TGFBR2: variants seen among roughly 807,000 people sequenced by gnomAD.
TGFBR2 encodes the protein TGF-beta receptor type-2.
Under a neutral mutation model 49.0 loss-of-function variants are expected in TGFBR2, and 18 were observed. The observed-to-expected ratio is 0.37, with a 90% confidence interval of 0.25 to 0.54. The LOEUF (loss-of-function observed/expected upper bound fraction) is 0.54, where lower values mean the gene tolerates loss of function less well. Ranked by LOEUF, TGFBR2 falls within the 20% of genes least tolerant of loss-of-function variation. The probability of loss-of-function intolerance (pLI) is 0.85; values close to 1 mark genes in which losing one functional copy is unlikely to be tolerated. For missense variants in TGFBR2, 525 were observed against 722.6 expected (o/e 0.73, Z 3.13); for synonymous variants, 282 against 275.9 (o/e 1.02, Z -0.22).
intron 1 of TGFBR2, among the ~76,000 whole-genome samples, chr3:30,614,640 G>A (rs1019697007): frequency 6.6e-6 from 1 of 152,120 alleles, no homozygotes; most frequent in Admixed American, 6.5e-5. Context: ...CACTTATTGA[G>A]GTCTTGCTAC....
chr3:30,626,706 C>T (rs887808615), intron 1 of TGFBR2: 1 of 152,582 alleles, frequency 6.6e-6, no homozygotes, highest in Non-Finnish European at 1.5e-5. Flanking sequence ...CTTTCAGACA[C>T]CATTCTTGGA....
intron 1 of TGFBR2, chr3:30,623,216 C>A: frequency 6.3e-7 from 1 of 1,589,600 alleles, no homozygotes; most frequent in Non-Finnish European, 8.6e-7. Flanking sequence ...AATGGAGGCC[C>A]AGAAAGATGA....
intron 5 of TGFBR2, among the ~76,000 whole-genome samples, chr3:30,680,234 G>A (rs1242206852): frequency 6.6e-6 from 1 of 150,896 alleles, no homozygotes; most frequent in Non-Finnish European, 1.5e-5. Flanking sequence ...TCCAGCAGAA[G>A]CTGAGGAGAC....
intron 1 of TGFBR2, among the ~76,000 whole-genome samples, chr3:30,631,696 A>C (rs1575137876): frequency 8.3e-6 from 1 of 119,922 alleles, no homozygotes; most frequent in Non-Finnish European, 1.7e-5. Context: ...GTTTGGTGTT[A>C]TCTTAGAAAC....
chr3:30,686,925 T>C (rs997234203), intron 5 of TGFBR2, among the ~76,000 whole-genome samples: 1 of 152,218 alleles, frequency 6.6e-6, no homozygotes, highest in Non-Finnish European at 1.5e-5. Context: ...CATTCATTCA[T>C]TCACTCACTC....
intron 1 of TGFBR2, among the ~76,000 whole-genome samples, chr3:30,611,201 A>G (rs1317082861): frequency 6.6e-6 from 1 of 152,168 alleles, no homozygotes; most frequent in African/African-American, 2.4e-5. Flanking sequence ...CTGACACATC[A>G]TTTAGCACCC....
chr3:30,647,339 A>G (rs1353126423), intron 2 of TGFBR2, among the ~76,000 whole-genome samples: 5 of 152,218 alleles, frequency 3.3e-5, no homozygotes, highest in African/African-American at 4.8e-5. Context: ...CCTGCATTAT[A>G]GTTTAGCTTT....
intron 1 of TGFBR2, among the ~76,000 whole-genome samples, chr3:30,609,084 G>A (rs1697987307): frequency 1.3e-5 from 2 of 152,236 alleles, no homozygotes; most frequent in Non-Finnish European, 2.9e-5. Context: ...TAAAAACGTG[G>A]TGGCTTTTTA....
chr3:30,630,567 C>T (rs925392634), intron 1 of TGFBR2, among the ~76,000 whole-genome samples: 4 of 152,152 alleles, frequency 2.6e-5, no homozygotes, highest in Admixed American at 6.5e-5. Context: ...TTGACTTTTC[C>T]ACAGCCCATT....
chr3:30,638,507 GA>G (rs2125399300), intron 1 of TGFBR2, among the ~76,000 whole-genome samples: 1 of 152,242 alleles, frequency 6.6e-6, no homozygotes, highest in East Asian at 1.9e-4. Flanking sequence ...TCAGTTGAAG[GA>G]AAGCCCGATA....
chr3:30,606,762 T>A lies in TGFBR2; in HGVS notation c.-122T>A, dbSNP rs1040386724. ...GCGGGCGCCACATCTGGCCCGCACA[T>A]CTGCGCTGCCGGCCCGGCGCGGGGT... On this transcript the variant is annotated 5_prime_UTR_variant, in exon 1 of 7. Coordinates refer to ENST00000295754, the MANE Select transcript of TGFBR2 (RefSeq NM_003242.6). 4.3e-6 allele frequency: 3 copies of A among 695,494 alleles called. No individual in the cohort carries two copies. The highest frequency in any genetic ancestry group is 6.2e-6 in the Non-Finnish European group (3 of 486,520). 43.1% of individuals were successfully genotyped at this position (695,494 alleles called of 1,614,324 possible).
At chr3:30,610,689 A>T (rs988765485) in intron 1 of TGFBR2, among the ~76,000 whole-genome samples, 2 of 152,210 alleles carry the variant, frequency 1.3e-5, no homozygotes, top group Non-Finnish European at 2.9e-5. Flanking sequence ...TTATGGAGTT[A>T]TGGTGAGGAT....
intron 1 of TGFBR2, among the ~76,000 whole-genome samples, chr3:30,638,737 C>G (rs1188240262): frequency 6.6e-6 from 1 of 152,016 alleles, no homozygotes; most frequent in African/African-American, 2.4e-5. Context: ...ATCTGATTGG[C>G]TTGGGGATGT....
In TGFBR2 at chr3:30,644,892, A is replaced by G. The variant is rs2125404896; in HGVS notation, c.240A>G (p.Pro80=). The change falls in exon 2 of 7, where the codon CCA becomes CCG. Residue 80 remains proline, a synonymous_variant. Transcript: ENST00000295754. ...NCSITSICEK[P]QEVCVAVWRK... ...GCATCACCTCCATCTGTGAGAAGCCACAGGAAGTCTGTGTGGCTGTATGGT... is the reference window on the plus strand; with the variant it reads ...GCATCACCTCCATCTGTGAGAAGCCGCAGGAAGTCTGTGTGGCTGTATGGT... 1 of 1,614,182 alleles carries G rather than the reference A, an allele frequency of 6.2e-7. No individual in the cohort carries two copies. The highest frequency in any genetic ancestry group is 1.1e-5 in the South Asian group (1 of 91,086).
chr3:30,635,949 A>T (rs1478981669), intron 1 of TGFBR2, among the ~76,000 whole-genome samples: 1 of 152,120 alleles, frequency 6.6e-6, no homozygotes, highest in African/African-American at 2.4e-5. Flanking sequence ...TTCTGACCTC[A>T]TGTTTGCATT....
At chr3:30,612,382 T>C (rs1170149520) in intron 1 of TGFBR2, among the ~76,000 whole-genome samples, 1 of 152,134 alleles carries the variant, frequency 6.6e-6, no homozygotes, top group Non-Finnish European at 1.5e-5. Flanking sequence ...GTGTGGTCTC[T>C]ATGTGTGTAT....
rs974169273 is a variant in TGFBR2 at position 30,676,431 on chromosome 3, A to G, written c.1396+2185A>G. Among the ~76,000 whole-genome samples the G allele has an allele frequency of 6.6e-6, 1 of 152,156 alleles. No homozygotes were observed. Among genetic ancestry groups the G allele is most frequent in the South Asian group, 2.1e-4 (1 of 4,826 alleles). On this transcript the variant is annotated intron_variant, in intron 5 of 6. Coordinates refer to ENST00000295754, the MANE Select transcript of TGFBR2 (RefSeq NM_003242.6). This position sits in a 1 kb window ranked among gnomAD's most constrained non-coding sequence, Gnocchi z 4.3. ...ATTTTCTGTTTTTCTTGTTCCTTCT[A>G]TATTTATTAATATGCATTCTCCTTT...
intron 1 of TGFBR2, among the ~76,000 whole-genome samples, chr3:30,639,974 A>G (rs1698614657): frequency 6.6e-6 from 1 of 152,230 alleles, no homozygotes; most frequent in Non-Finnish European, 1.5e-5. Flanking sequence ...AAATAAGTCT[A>G]AATCTTATTA....
chr3:30,616,781 TA>T (rs1017148509), intron 1 of TGFBR2, among the ~76,000 whole-genome samples: 2 of 152,100 alleles, frequency 1.3e-5, no homozygotes, highest in South Asian at 2.1e-4. Context: ...TGACTACTAT[TA>T]AAAAAAGAGA....
Sources: gnomAD v4.1 joint callset for allele counts (sites outside exome capture counted in the v4.1 genomes callset) on GRCh38, gnomAD v4.1.1 for gene constraint, Gnocchi (gnomAD v3.1) non-coding constraint, MANE v1.5 for transcripts, NCBI Gene and HGNC (gene_info 2026-07-23, HGNC 2026-07-21) for gene names.